The following BCKDHA variants were observed in gnomAD, a reference collection of about 807,000 sequenced individuals.
BCKDHA encodes branched chain keto acid dehydrogenase E1 subunit alpha, also known as 2-oxoisovalerate dehydrogenase subunit alpha, mitochondrial.
In BCKDHA, 43 loss-of-function variants were observed where a neutral mutation model predicts 52.2. The ratio of observed to expected loss-of-function variants is 0.82; its 90% CI spans 0.64 to 1.06. The LOEUF (loss-of-function observed/expected upper bound fraction) is 1.06, where lower values mean the gene tolerates loss of function less well. BCKDHA is among the 50% of genes least tolerant of loss of function. The pLI is 0.00. For synonymous variants in BCKDHA, 234 were observed against 247.9 expected, an observed-to-expected ratio of 0.94 and a Z score of 0.53; for missense variants, 527 against 621.3, an observed-to-expected ratio of 0.85 and a Z score of 1.61.
chr19:41,398,806 C>T (rs2039105330), intron 1 of BCKDHA, among the ~76,000 whole-genome samples: 1 of 142,288 alleles, frequency 7.0e-6, no homozygotes, highest in South Asian at 2.2e-4. Context: ...CATGTCCTTG[C>T]TCTGCCGCTT....
intron 1 of BCKDHA, among the ~76,000 whole-genome samples, chr19:41,403,412 C>T (rs559050643): frequency 2.6e-5 from 4 of 152,274 alleles, no homozygotes; most frequent in South Asian, 2.1e-4. Flanking sequence ...GTGCCTGCCC[C>T]GTCTGGATGC....
rs1417360930 is a variant in BCKDHA at position 41,423,013 on chromosome 19, C to G, written c.1011C>G (p.Ser337Arg). Residue 337 changes from serine to arginine, a missense_variant, in exon 8 of 9, where the codon AGC becomes AGG. Physicochemically the swap from Ser to Arg is moderately radical, Grantham distance 110. Transcript: ENST00000269980. ...EAMTYRIGHH[S>R]TSDDSSAYRS... is the part of the protein sequence containing the mutation. ...CCCTGTGCAGGATCGGGCACCACAG[C>G]ACCAGTGACGACAGTTCAGCGTACC... The G allele has an allele frequency of 6.2e-7, 1 of 1,609,670 alleles. No homozygotes were observed. Among genetic ancestry groups the G allele is most frequent in the Non-Finnish European group, 8.5e-7 (1 of 1,178,082 alleles).
rs1462621859 is a variant in BCKDHA, at chr19:41,424,519, C to A, written c.1249C>A (p.Pro417Thr). 1 of 1,614,120 alleles carries A rather than the reference C, an allele frequency of 6.2e-7. No individual in the cohort carries two copies. Among genetic ancestry groups the A allele is most frequent in the East Asian group, 2.2e-5 (1 of 44,878 alleles). The change falls in exon 9 of 9, where the codon CCC becomes ACC. Residue 417 changes from proline to threonine, a missense_variant. Pro to Thr is a conservative substitution (Grantham distance 38). Transcript: ENST00000269980. The part of the protein sequence containing the change: ...LLFSDVYQEM[P>T]AQLRKQQESL... ...CTTCTCAGACGTGTATCAGGAGATG[C>A]CCGCCCAGCTCCGCAAGCAGCAGGA... is the stretch of plus-strand genomic sequence containing the variant.
chr19:41,421,952 C>A (rs991515944), intron 5 of BCKDHA, among the ~76,000 whole-genome samples: 5 of 152,006 alleles, frequency 3.3e-5, no homozygotes, highest in African/African-American at 1.2e-4. Context: ...TCAGCCTGAG[C>A]AGTTGGAAGG....
intron 1 of BCKDHA, among the ~76,000 whole-genome samples, chr19:41,405,338 C>G (rs1445057616): frequency 6.6e-6 from 1 of 151,864 alleles, no homozygotes; most frequent in African/African-American, 2.4e-5. Flanking sequence ...GTCACCCAGG[C>G]TGGAGTGCAG....
At position 41,419,152 on chromosome 19, in the gene BCKDHA, G is replaced by A. The variant is rs2039337342; in HGVS notation, c.502G>A (p.Asp168Asn). The A allele has an allele frequency of 1.9e-6, 3 of 1,614,166 alleles. No homozygotes were observed. The highest frequency in any genetic ancestry group is 4.5e-5 in the East Asian group (2 of 44,886). ...YREAGVLMYR[D>N]YPLELFMAQC... is the part of the protein sequence containing the mutation. ...CCTCCTAGGTGTGCTGATGTATCGG[G>A]ACTACCCCCTGGAACTATTCATGGC... Residue 168 changes from aspartate to asparagine, a missense_variant, in exon 5 of 9, where the codon GAC becomes AAC. By Grantham distance (23) the Asp-to-Asn change is conservative. Transcript: ENST00000269980.
chr19:41,407,516 C>T (rs750064724), intron 1 of BCKDHA, among the ~76,000 whole-genome samples: 11 of 152,130 alleles, frequency 7.2e-5, no homozygotes, highest in Non-Finnish European at 1.6e-4. Flanking sequence ...ATGCTGGGTA[C>T]TCAGAAGGGG....
intron 1 of BCKDHA, chr19:41,400,020 A>G (rs1306735215): frequency 6.6e-6 from 1 of 151,710 alleles, no homozygotes; most frequent in Non-Finnish European, 1.5e-5. Flanking sequence ...TTCTGGCCTC[A>G]AGTTCCGCCT....
chr19:41,422,979 G>T lies in BCKDHA; in HGVS notation c.996-19G>T, dbSNP rs1331440114. 4 of 1,605,400 alleles carry T rather than the reference G, an allele frequency of 2.5e-6. No individual in the cohort carries two copies. Among genetic ancestry groups the T allele is most frequent in the Non-Finnish European group, 3.4e-6 (4 of 1,176,134 alleles). On this transcript the variant is annotated intron_variant, in intron 7 of 8. Transcript: ENST00000269980. ...TCCAGGGAGCCCACACTGACCTGGG[G>T]CCCCTTGCCCCTGTGCAGGATCGGG...
chr19:41,409,901 A>G (rs2039233360), intron 1 of BCKDHA, among the ~76,000 whole-genome samples: 1 of 150,972 alleles, frequency 6.6e-6, no homozygotes, highest in South Asian at 2.1e-4. Flanking sequence ...CCCGGGTTCA[A>G]GTGATTCTCT....
intron 4 of BCKDHA, among the ~76,000 whole-genome samples, chr19:41,417,831 A>T (rs1236275535): frequency 6.6e-6 from 1 of 152,116 alleles, no homozygotes; most frequent in East Asian, 1.9e-4. Context: ...AGGCTGAGGC[A>T]GGAGAATCGC....
At position 41,419,156 on chromosome 19, in the gene BCKDHA, A is replaced by G; in HGVS notation, c.506A>G (p.Tyr169Cys). Residue 169 changes from tyrosine to cysteine, a missense_variant, in exon 5 of 9, where the codon TAC (tyrosine) becomes TGC (cysteine). Physicochemically the swap from Tyr to Cys is radical, Grantham distance 194. Coordinates refer to ENST00000269980, the MANE Select transcript of BCKDHA (RefSeq NM_000709.4). ...REAGVLMYRDYPLELFMAQCY... is the reference protein window; with the variant it reads ...REAGVLMYRDCPLELFMAQCY... ...CTAGGTGTGCTGATGTATCGGGACT[A>G]CCCCCTGGAACTATTCATGGCCCAG... 11 of 1,613,898 alleles carry G rather than the reference A, an allele frequency of 6.8e-6. No homozygotes were observed. Among genetic ancestry groups the G allele is most frequent in the African/African-American group, 1.3e-5 (1 of 74,930 alleles).
At chr19:41,423,853 C>T (rs1014138056) in intron 8 of BCKDHA, among the ~76,000 whole-genome samples, 1 of 149,242 alleles carries the variant, frequency 6.7e-6, no homozygotes, top group African/African-American at 2.5e-5. Flanking sequence ...ATTAGCCAGG[C>T]GTGGTGGTGC....
chr19:41,423,845 T>C (rs2039397593), intron 8 of BCKDHA, among the ~76,000 whole-genome samples: 1 of 147,308 alleles, frequency 6.8e-6, no homozygotes, highest in Non-Finnish European at 1.5e-5. Flanking sequence ...AAAAAAAAAT[T>C]AGCCAGGCGT....
intron 4 of BCKDHA, among the ~76,000 whole-genome samples, chr19:41,417,735 A>C (rs968996237): frequency 3.3e-5 from 5 of 151,650 alleles, no homozygotes; most frequent in African/African-American, 1.2e-4. Context: ...GACCAGCCTG[A>C]CCAACATGGA....
chr19:41,418,313 G>A (rs1390012380), intron 4 of BCKDHA, among the ~76,000 whole-genome samples: 1 of 152,136 alleles, frequency 6.6e-6, no homozygotes, highest in Non-Finnish European at 1.5e-5. Context: ...TTCAGGCGGG[G>A]CAAAGAGCTT....
chr19:41,422,849 C>T, intron 7 of BCKDHA, 79 bp downstream of exon 7: 1 of 1,605,294 alleles, frequency 6.2e-7, no homozygotes, highest in Non-Finnish European at 8.5e-7. Flanking sequence ...ATCACTGTCT[C>T]CAAAACATGG....
chr19:41,415,425 A>G (rs887028503), intron 4 of BCKDHA: 19 of 152,300 alleles, frequency 1.2e-4, no homozygotes, highest in Admixed American at 1.2e-3. Context: ...ATGACTGTCC[A>G]GCACTGAGGG....
At chr19:41,409,635 T>G (rs757324793) in intron 1 of BCKDHA, among the ~76,000 whole-genome samples, 22 of 152,062 alleles carry the variant, frequency 1.4e-4, no homozygotes, top group Non-Finnish European at 2.8e-4. Flanking sequence ...TTGCTAAGAT[T>G]GTTTTGAGCA....
Sources: allele counts gnomAD v4.1 joint callset (sites outside exome capture counted in the v4.1 genomes callset), GRCh38; gene constraint gnomAD v4.1.1; transcripts MANE v1.5; gene names NCBI Gene and HGNC (gene_info 2026-07-23, HGNC 2026-07-21).